Variants in PLAC1 observed in about 807,000 individuals in gnomAD.
PLAC1 encodes placenta-specific protein 1.
For synonymous variants in PLAC1, 68 were observed against 62.1 expected, an observed-to-expected ratio of 1.09 and a Z score of -0.44; for missense variants, 136 against 163.2, an observed-to-expected ratio of 0.83 and a Z score of 0.91.
chrX:134,694,641 C>T (rs931364897), intron 2 of PLAC1, among the ~76,000 whole-genome samples: 19 of 111,767 alleles, frequency 1.7e-4, no homozygotes, highest in East Asian at 2.8e-4. Flanking sequence ...GTTCTGAGTA[C>T]GAAGGAAATA....
chrX:134,605,677 C>T (rs1157497391), intron 1 of PLAC1: 1 of 111,831 alleles, frequency 8.9e-6, no homozygotes, highest in African/African-American at 3.3e-5. Flanking sequence ...TGGCTCAGTA[C>T]CCTGCAGGAG....
chrX:134,698,842 C>A (rs1453689974), intron 2 of PLAC1, among the ~76,000 whole-genome samples: 1 of 111,108 alleles, frequency 9.0e-6, no homozygotes. Flanking sequence ...TATAATGTGA[C>A]CAGAAGAGAA....
intron 2 of PLAC1, among the ~76,000 whole-genome samples, chrX:134,583,597 G>A (rs979759960): frequency 9.1e-6 from 1 of 110,478 alleles, no homozygotes; most frequent in Non-Finnish European, 1.9e-5. Context: ...CAACCTCAAT[G>A]GGATTGGAGG....
chrX:134,633,513 G>C (rs2078271115), intron 1 of PLAC1, among the ~76,000 whole-genome samples: 2 of 110,721 alleles, frequency 1.8e-5, no homozygotes, highest in Non-Finnish European at 3.8e-5. Context: ...GTTTTGTTTT[G>C]GTCCTGAGCC....
At chrX:134,647,771 T>C (rs1381363796) in intron 1 of PLAC1, among the ~76,000 whole-genome samples, 1 of 111,615 alleles carries the variant, frequency 9.0e-6, no homozygotes, top group Non-Finnish European at 1.9e-5. Flanking sequence ...GAAAGGATTG[T>C]GTCATATCCA....
intron 1 of PLAC1, among the ~76,000 whole-genome samples, chrX:134,749,302 T>G (rs1227987464): frequency 3.6e-5 from 4 of 111,784 alleles, no homozygotes; most frequent in Non-Finnish European, 7.5e-5. Context: ...GGCAACAGTG[T>G]GAGACTCTGA....
chrX:134,635,940 C>T (rs5930654), intron 1 of PLAC1, among the ~76,000 whole-genome samples: 1,712 of 112,211 alleles, frequency 0.015, 17 homozygotes, highest in Non-Finnish European at 0.025. Flanking sequence ...AGCTAAGGTG[C>T]TGCCTAAAGC....
At chrX:134,739,594 G>T (rs774182378) in intron 1 of PLAC1, among the ~76,000 whole-genome samples, 1 of 112,626 alleles carries the variant, frequency 8.9e-6, no homozygotes, top group South Asian at 3.6e-4. Flanking sequence ...ATGCTACCAA[G>T]TTCTCTTTTA....
At chrX:134,642,192 G>A (rs771799935) in intron 1 of PLAC1, among the ~76,000 whole-genome samples, 5 of 112,195 alleles carry the variant, frequency 4.5e-5, no homozygotes, top group Non-Finnish European at 5.6e-5. Context: ...CGCAGAACAC[G>A]TCCCCAAAGG....
rs150794304 is a variant in PLAC1 at position 134,676,817 on chromosome X, T to A, written n.174+56618A>T. Among the ~76,000 whole-genome samples, 41 of 111,514 alleles carry A rather than the reference T, an allele frequency of 3.7e-4. 1 individual carries two copies. The East Asian group carries it at 7.6e-3, about 21-fold the overall frequency. On this transcript the variant is annotated intron_variant and non_coding_transcript_variant, in intron 2 of 2. Transcript: ENST00000466797. Reference sequence around the variant, plus strand: ...TGATCACAGAACTTCTTGTGCAGAGTCAGCACAGAGTAGTGGTTAAGAGGA... The same window carrying A: ...TGATCACAGAACTTCTTGTGCAGAGACAGCACAGAGTAGTGGTTAAGAGGA...
intron 1 of PLAC1, among the ~76,000 whole-genome samples, chrX:134,759,176 A>G (rs2078763964): frequency 9.2e-6 from 1 of 109,228 alleles, no homozygotes; most frequent in African/African-American, 3.3e-5. Flanking sequence ...TTTGAGACAG[A>G]GTCTCACTCT....
At chrX:134,664,253 C>T (rs1314319782) in intron 2 of PLAC1, among the ~76,000 whole-genome samples, 1 of 111,992 alleles carries the variant, frequency 8.9e-6, no homozygotes, top group African/African-American at 3.2e-5. Context: ...CTAATCAGTT[C>T]CCCGGAGATG....
Position 134,763,824 on chromosome X carries a change from A to AAAAGAAAGAAAGAAAGAAAG in PLAC1, n.89+390_89+409dup, listed in dbSNP as rs58989876. ...CAACAAGAAAGAAACTCCGAAAAAAAAAAGAAAGAAAGAAAGAAAGAAAGA... is the reference window on the plus strand; with the variant it reads ...CAACAAGAAAGAAACTCCGAAAAAAAAAAGAAAGAAAGAAAGAAAGAAAGAAAGAAAGAAAGAAAGAAAGA... On this transcript the variant is annotated intron_variant and non_coding_transcript_variant, in intron 1 of 2. Coordinates refer to the PLAC1 transcript ENST00000466797. 2.4e-3 allele frequency among the ~76,000 whole-genome samples: 216 copies of AAAAGAAAGAAAGAAAGAAAG among 90,505 alleles called. 1 individual carries two copies. Among genetic ancestry groups the AAAAGAAAGAAAGAAAGAAAG allele is most frequent in the African/African-American group, 7.9e-3 (189 of 24,064 alleles). 78.6% of individuals were successfully genotyped at this position (90,505 alleles called of 115,157 possible).
In PLAC1 at chrX:134,600,351, A is replaced by G. The variant is rs139065861; in HGVS notation, c.-59+1700T>C. Among the ~76,000 whole-genome samples, 460 of 111,172 alleles carry G rather than the reference A, an allele frequency of 4.1e-3. 2 individuals are homozygous for G. Among genetic ancestry groups the G allele is most frequent in the African/African-American group, 0.014 (430 of 30,586 alleles). On this transcript the variant is annotated intron_variant, in intron 2 of 2. Coordinates refer to ENST00000359237, the MANE Select transcript of PLAC1 (RefSeq NM_021796.4). Reference sequence around the variant, plus strand: ...CTGGCTAATTTTTTAAATTTTTTGTATAATGAGGTTTTGCCACGTTGCCCA... The same window carrying G: ...CTGGCTAATTTTTTAAATTTTTTGTGTAATGAGGTTTTGCCACGTTGCCCA...
intron 2 of PLAC1, among the ~76,000 whole-genome samples, chrX:134,672,188 A>G (rs1198704244): frequency 1.8e-5 from 2 of 112,296 alleles, no homozygotes; most frequent in East Asian, 5.6e-4. Context: ...CGACCCTACT[A>G]TTGGAATAGT....
intron 2 of PLAC1, among the ~76,000 whole-genome samples, chrX:134,590,856 C>A (rs1307276319): frequency 1.0e-5 from 1 of 95,518 alleles, no homozygotes. Context: ...ATCCACCCTC[C>A]CCCCCCACCC....
At chrX:134,604,448 C>T (rs779088093) in intron 1 of PLAC1, 2 of 111,983 alleles carry the variant, frequency 1.8e-5, no homozygotes, top group South Asian at 3.8e-4. Flanking sequence ...TGGGCTCATC[C>T]GTTTTTTCTC....
intron 1 of PLAC1, among the ~76,000 whole-genome samples, chrX:134,609,908 AT>A (rs1007504035): frequency 7.1e-5 from 8 of 112,038 alleles, no homozygotes; most frequent in African/African-American, 2.6e-4. Context: ...CAGTATGTGA[AT>A]TTTGAGGAGA....
chrX:134,740,910 A>G (rs1002641667), intron 1 of PLAC1, among the ~76,000 whole-genome samples: 2 of 112,121 alleles, frequency 1.8e-5, no homozygotes, highest in African/African-American at 6.5e-5. Context: ...CCCTGCTGAC[A>G]TCTTGCTTTC....
Sources: gnomAD v4.1 joint callset for allele counts (sites outside exome capture counted in the v4.1 genomes callset) on GRCh38, gnomAD v4.1.1 for gene constraint, MANE v1.5 for transcripts, NCBI Gene and HGNC (gene_info 2026-07-23, HGNC 2026-07-21) for gene names.